The following KMT2B variants were observed in gnomAD, a reference collection of about 807,000 sequenced individuals.
The protein encoded by KMT2B is lysine methyltransferase 2B.
In KMT2B, 22 loss-of-function variants were observed where a neutral mutation model predicts 255.3. That is an observed-to-expected ratio of 0.09 (90% confidence interval 0.06 to 0.12). The LOEUF (loss-of-function observed/expected upper bound fraction) is 0.12. Among genes scored for constraint, KMT2B ranks in the 10% least tolerant of loss-of-function variants. The pLI is 1.00. For synonymous variants in KMT2B, 1,730 were observed against 1,498.1 expected, an observed-to-expected ratio of 1.15 and a Z score of -3.57; for missense variants, 3,149 against 3,737.0, an observed-to-expected ratio of 0.84 and a Z score of 4.10.
At position 35,738,086 on chromosome 19, in the gene KMT2B, G is replaced by A; in HGVS notation, c.7767G>A (p.Leu2589=). Residue 2589 remains leucine, a synonymous_variant, in exon 36 of 37, where the codon CTG becomes CTA. Coordinates refer to ENST00000420124, the MANE Select transcript of KMT2B (RefSeq NM_014727.3). The surrounding 1 kb of genome is among the most constrained non-coding windows in gnomAD (Gnocchi z 8.7). ...VYRSAIHGRG[L]FCKRNIDAGE... ...GATCAGCCATCCACGGGCGAGGCCT[G>A]TTCTGTAAGCGCAACATCGACGCGG... 6.2e-7 allele frequency: 1 copy of A among 1,613,930 alleles called. No individual in the cohort carries two copies. The highest frequency in any genetic ancestry group is 8.5e-7 in the Non-Finnish European group (1 of 1,179,874).
At chr19:35,719,704 TA>T (rs1969103736) in intron 2 of KMT2B, 79 bp from the exon 3 acceptor site, 1 of 1,532,202 alleles carries the variant, frequency 6.5e-7, no homozygotes, top group East Asian at 2.3e-5. Flanking sequence ...AAGCAAGACT[TA>T]GTCCCTGCCC....
chr19:35,727,521 T>C lies in KMT2B; in HGVS notation c.4201T>C (p.Trp1401Arg). 1 of 1,610,426 alleles carries C rather than the reference T, an allele frequency of 6.2e-7. No homozygotes were observed. Residue 1401 changes from tryptophan (W) to arginine (R), a missense_variant, in exon 16 of 37, where the codon TGG (tryptophan) becomes CGG (arginine). Around this residue, in one of 18 missense-constraint regions of KMT2B, gnomAD observed 377 missense variants for 471.0 expected, o/e 0.80. Coordinates refer to ENST00000420124, the MANE Select transcript of KMT2B (RefSeq NM_014727.3). This position sits in a 1 kb window ranked among gnomAD's most constrained non-coding sequence, Gnocchi z 4.2. Reference sequence around the variant, plus strand: ...GTGTGCTGGGGCAGCGCAGCCCCGCTGGCGAGAGGCCCTGAGCGGGGCCCT... The same window carrying C: ...GTGTGCTGGGGCAGCGCAGCCCCGCCGGCGAGAGGCCCTGAGCGGGGCCCT... ...GPCAGAAQPRWREALSGALQG... is the reference protein window; with the variant it reads ...GPCAGAAQPRRREALSGALQG...
rs771578498 is a variant in KMT2B at position 35,720,036 on chromosome 19, C to T, written c.689C>T (p.Pro230Leu). 2 of 1,611,940 alleles carry T rather than the reference C, an allele frequency of 1.2e-6. No individual in the cohort carries two copies. The highest frequency in any genetic ancestry group is 1.3e-5 in the African/African-American group (1 of 74,892). Residue 230 changes from proline to leucine, a missense_variant, in exon 3 of 37, where the codon CCC (proline) becomes CTC (leucine). This residue lies in a region of KMT2B where 1,188 missense variants were observed against 1,106.4 expected (regional missense o/e 1.07). Coordinates refer to ENST00000420124, the MANE Select transcript of KMT2B (RefSeq NM_014727.3). ...RGRPPGRPAGPCRRKQQAVVV... is the reference protein window; with the variant it reads ...RGRPPGRPAGLCRRKQQAVVV... ...CGGCCCCCAGGACGGCCAGCAGGCC[C>T]CTGCAGGAGGAAGCAGCAAGCAGTA...
chr19:35,729,718 A>G (rs971742493), intron 22 of KMT2B, among the ~76,000 whole-genome samples: 4 of 152,158 alleles, frequency 2.6e-5, no homozygotes, highest in East Asian at 3.9e-4. Flanking sequence ...AAATAACACA[A>G]CCTCCGCCTG....
intron 30 of KMT2B, 111 bp from the exon 31 acceptor site, chr19:35,736,579 T>C (rs1451885850): frequency 3.9e-6 from 5 of 1,283,284 alleles, no homozygotes; most frequent in Admixed American, 2.2e-5. Flanking sequence ...CTAGTATCTG[T>C]GTCTGCGCCT....
intron 1 of KMT2B, 48 bp from the exon 2 acceptor site, chr19:35,719,421 T>A (rs768039946): frequency 7.3e-6 from 10 of 1,363,426 alleles, no homozygotes; most frequent in Non-Finnish European, 9.2e-6. Context: ...AACGAGGGCT[T>A]TGGCACTGAC....
chr19:35,730,203 G>T (rs928233238), intron 23 of KMT2B, 78 bp downstream of exon 23: 4 of 1,602,740 alleles, frequency 2.5e-6, no homozygotes, highest in Non-Finnish European at 3.4e-6. Flanking sequence ...TGGCCCCCAG[G>T]CCTGGCCCTA....
At position 35,722,478 on chromosome 19, in the gene KMT2B, C is replaced by G. The variant is rs1196114359; in HGVS notation, c.2571+6C>G. 2.2e-5 allele frequency: 36 copies of G among 1,606,294 alleles called. No individual in the cohort carries two copies. Among genetic ancestry groups the G allele is most frequent in the Non-Finnish European group, 3.1e-5 (36 of 1,179,440 alleles). ...CTAAGAGAGAGCGGCCCTCAGTATG[C>G]ATCGGGAGGAGGGCCCTGAAGAAGA... is the stretch of plus-strand genomic sequence containing the variant. On this transcript the variant is annotated splice_donor_region_variant and intron_variant, in intron 4 of 36. Transcript: ENST00000420124.
intron 9 of KMT2B, 71 bp downstream of exon 9, chr19:35,724,802 C>T (rs1969368173): frequency 3.7e-6 from 5 of 1,364,360 alleles, no homozygotes; most frequent in Non-Finnish European, 5.1e-6. Context: ...ACAGACACAC[C>T]TGAGTGTCGT....
chr19:35,723,097 G>A lies in KMT2B; in HGVS notation c.2825G>A (p.Gly942Glu), dbSNP rs774513604. Residue 942 changes from glycine (G) to glutamate (E), a missense_variant, in exon 6 of 37, where the codon GGA becomes GAA. Physicochemically the swap from Gly to Glu is moderately conservative, Grantham distance 98. This residue lies in a region of KMT2B where 132 missense variants were observed against 174.7 expected (regional missense o/e 0.76). Transcript: ENST00000420124. This position sits in a 1 kb window ranked among gnomAD's most constrained non-coding sequence, Gnocchi z 7.5. ...GGAGAATCAGAGCCCACAGGTTCTG[G>A]AGGGACCCTGGCCCACACACCCCGG... ...PGGESEPTGS[G>E]GTLAHTPRRS... is the part of the protein sequence containing the mutation. 6.2e-7 allele frequency: 1 copy of A among 1,613,322 alleles called. No homozygotes were observed. The highest frequency in any genetic ancestry group is 1.1e-5 in the South Asian group (1 of 91,072).
rs534300050 is a variant in KMT2B at position 35,730,901 on chromosome 19, C to A, written c.5437+34C>A. ...TTGGCTCTGTCTTCTTCCTGAATAC[C>A]GCTCTCCCTAAACAAACCTACAGAT... is the stretch of plus-strand genomic sequence containing the variant. On this transcript the variant is annotated intron_variant, in intron 26 of 36. Transcript: ENST00000420124. The A allele has an allele frequency of 3.2e-6, 5 of 1,551,908 alleles. No individual in the cohort carries two copies. The African/African-American group carries it at 6.8e-5, about 21-fold the overall frequency.
chr19:35,738,503 C>T lies in KMT2B; in HGVS notation c.8094C>T (p.Ser2698=). 1 of 1,614,066 alleles carries T rather than the reference C, an allele frequency of 6.2e-7. No individual in the cohort carries two copies. The highest frequency in any genetic ancestry group is 1.7e-5 in the Admixed American group (1 of 60,012). ...YDYKFPIEDA[S]NKLPCNCGAK... is the part of the protein sequence containing the mutation. Reference sequence around the variant, plus strand: ...ACAAGTTCCCCATCGAGGATGCCAGCAACAAGCTGCCCTGCAACTGTGGCG... The same window carrying T: ...ACAAGTTCCCCATCGAGGATGCCAGTAACAAGCTGCCCTGCAACTGTGGCG... Residue 2698 remains serine, a synonymous_variant, in exon 37 of 37, where the codon AGC becomes AGT. Transcript: ENST00000420124. This position sits in a 1 kb window ranked among gnomAD's most constrained non-coding sequence, Gnocchi z 8.7.
rs749912335 is a variant in KMT2B at position 35,733,264 on chromosome 19, C to G, written c.6715C>G (p.Leu2239Val). Residue 2239 changes from leucine (L) to valine (V), a missense_variant, in exon 28 of 37, where the codon CTC becomes GTC. Leu to Val is a conservative substitution (Grantham distance 32). Transcript: ENST00000420124. This position sits in a 1 kb window ranked among gnomAD's most constrained non-coding sequence, Gnocchi z 4.3. ...PTSWTLPPGP[L>V]LGVLPVVGVV... ...CTCCTGGACTCTGCCCCCAGGCCCC[C>G]TCCTCGGCGTGCTGCCCGTGGTCGG... The G allele has an allele frequency of 1.8e-5, 26 of 1,482,958 alleles. No homozygotes were observed. The South Asian group carries it at 3.1e-4, about 18-fold the overall frequency. 91.9% of individuals were successfully genotyped at this position (1,482,958 alleles called of 1,614,324 possible). A position where few individuals can be genotyped will look rare whatever the true frequency, so the allele number is the denominator to read the frequency against.
In KMT2B at chr19:35,721,577, T is replaced by C. The variant is rs1969211328; in HGVS notation, c.2230T>C (p.Leu744=). 3 of 1,611,862 alleles carry C rather than the reference T, an allele frequency of 1.9e-6. No individual in the cohort carries two copies. The highest frequency in any genetic ancestry group is 8.5e-7 in the Non-Finnish European group (1 of 1,179,808). ...QAQLLQPLQA[L]QTQLLPQALP... is the part of the protein sequence containing the mutation. ...TCAGCTACTGCAGCCCCTGCAGGCC[T>C]TGCAAACCCAGCTCCTGCCCCAGGC... The change falls in exon 3 of 37, where the codon TTG becomes CTG. Residue 744 remains leucine (L), a synonymous_variant. Coordinates refer to ENST00000420124, the MANE Select transcript of KMT2B (RefSeq NM_014727.3).
intron 8 of KMT2B, 92 bp downstream of exon 8, chr19:35,724,099 G>A: frequency 7.9e-7 from 1 of 1,271,438 alleles, no homozygotes; most frequent in Non-Finnish European, 1.1e-6. Context: ...CCAGGGCTCT[G>A]TCAGTCTGAT....
chr19:35,731,371 G>A (rs1969684494), intron 26 of KMT2B, among the ~76,000 whole-genome samples: 1 of 152,212 alleles, frequency 6.6e-6, no homozygotes, highest in South Asian at 2.1e-4. Context: ...ATTGTGGGCA[G>A]AGCAGGAGGC....
Position 35,723,114 on chromosome 19 carries a change from A to C in KMT2B, c.2842A>C (p.Thr948Pro), listed in dbSNP as rs1371800358. Residue 948 changes from threonine to proline, a missense_variant, in exon 6 of 37, where the codon ACA becomes CCA. Around this residue, in one of 18 missense-constraint regions of KMT2B, gnomAD observed 132 missense variants for 174.7 expected, o/e 0.76. Coordinates refer to ENST00000420124, the MANE Select transcript of KMT2B (RefSeq NM_014727.3). The surrounding 1 kb of genome is among the most constrained non-coding windows in gnomAD (Gnocchi z 7.5). ...AGGTTCTGGAGGGACCCTGGCCCAC[A>C]CACCCCGGCGCTCACTGCCCTCCCA... ...PTGSGGTLAH[T>P]PRRSLPSHHG... is the part of the protein sequence containing the mutation. The C allele has an allele frequency of 6.2e-7, 1 of 1,613,216 alleles. No individual in the cohort carries two copies. The highest frequency in any genetic ancestry group is 1.3e-5 in the African/African-American group (1 of 74,866).
chr19:35,724,928 G>T, intron 9 of KMT2B, 61 bp from the exon 10 acceptor site: 1 of 1,284,968 alleles, frequency 7.8e-7, no homozygotes, highest in Non-Finnish European at 1.1e-6. Context: ...AGGCGGTGAG[G>T]AGAGGAGTCT....
At chr19:35,729,751 C>T (rs1448968744) in intron 22 of KMT2B, among the ~76,000 whole-genome samples, 1 of 152,232 alleles carries the variant, frequency 6.6e-6, no homozygotes, top group Admixed American at 6.5e-5. Flanking sequence ...AAGATAATCA[C>T]ACTAATGCTA....
Sources: allele counts gnomAD v4.1 joint callset (sites outside exome capture counted in the v4.1 genomes callset), GRCh38; gene constraint gnomAD v4.1.1; regional missense constraint gnomAD v4.1.1; non-coding constraint Gnocchi (gnomAD v3.1); transcripts MANE v1.5; gene names NCBI Gene and HGNC (gene_info 2026-07-23, HGNC 2026-07-21).